LYRM4: variants seen among roughly 807,000 people sequenced by gnomAD.
LYRM4 encodes LYR motif-containing protein 4.
LYRM4 carries 9 observed loss-of-function variants against 11.7 expected under a neutral mutation model. That is an observed-to-expected ratio of 0.77 (90% CI 0.46 to 1.34). The LOEUF (loss-of-function observed/expected upper bound fraction) is 1.34, where lower values mean the gene tolerates loss of function less well. Among genes scored for constraint, LYRM4 ranks in the 40% most tolerant of loss-of-function variants. The pLI, the probability that LYRM4 is intolerant of heterozygous loss-of-function variation, is 0.00. For missense variants in LYRM4, 133 were observed against 112.5 expected, an observed-to-expected ratio of 1.18 and a Z score of -0.82; for synonymous variants, 42 against 40.4, an observed-to-expected ratio of 1.04 and a Z score of -0.15.
chr6:5,041,619 T>G, the LYRM4 span, among the ~76,000 whole-genome samples: 33 of 152,366 alleles, frequency 2.2e-4, no homozygotes, highest in Non-Finnish European at 4.1e-4. Context: ...CTGTGAATTT[T>G]TTTGTCATGA....
chr6:5,090,327 C>G, the LYRM4 span, among the ~76,000 whole-genome samples: 1 of 152,162 alleles, frequency 6.6e-6, no homozygotes, highest in African/African-American at 2.4e-5. This position sits in a 1 kb window ranked among gnomAD's most constrained non-coding sequence, Gnocchi z 4.8. Flanking sequence ...GAAACATGGG[C>G]TGGGAATGTG....
the LYRM4 span, chr6:5,034,045 T>G: frequency 6.6e-6 from 1 of 152,308 alleles, no homozygotes; most frequent in Non-Finnish European, 1.5e-5. Context: ...TTTTGTACTT[T>G]TGTTGGTGAT....
intron 1 of LYRM4, chr6:5,218,456 C>A: frequency 1.2e-6 from 1 of 849,152 alleles, no homozygotes; most frequent in Non-Finnish European, 1.4e-6. Context: ...AGTAAAAAGG[C>A]ATTTTACATT....
At chr6:5,149,068 A>G (rs1040662855) in intron 2 of LYRM4, among the ~76,000 whole-genome samples, 4 of 152,338 alleles carry the variant, frequency 2.6e-5, no homozygotes, top group African/African-American at 9.6e-5. Flanking sequence ...CTTTCAGATA[A>G]ATGATTGGAT....
chr6:5,116,044 AG>A (rs1763104859), intron 2 of LYRM4, among the ~76,000 whole-genome samples: 1 of 152,200 alleles, frequency 6.6e-6, no homozygotes. Flanking sequence ...CCAGACACAT[AG>A]GAAGTGCTCA....
chr6:5,155,159 G>A (rs1758337323), intron 2 of LYRM4, among the ~76,000 whole-genome samples: 1 of 152,130 alleles, frequency 6.6e-6, no homozygotes, highest in Non-Finnish European at 1.5e-5. Context: ...TTGGCTCACT[G>A]CAAACTCTGT....
At chr6:5,186,273 G>A (rs1272895015) in intron 2 of LYRM4, among the ~76,000 whole-genome samples, 1 of 152,162 alleles carries the variant, frequency 6.6e-6, no homozygotes, top group East Asian at 1.9e-4. Context: ...GGGAGGTTTA[G>A]GAGAGCAGAC....
chr6:5,204,887 G>C (rs1215091767), intron 2 of LYRM4, among the ~76,000 whole-genome samples: 1 of 152,214 alleles, frequency 6.6e-6, no homozygotes, highest in Non-Finnish European at 1.5e-5. Context: ...TATTCGCAAA[G>C]ATGCTAAGTG....
chr6:5,179,148 AT>A (rs1212851503), intron 2 of LYRM4, among the ~76,000 whole-genome samples: 1 of 150,616 alleles, frequency 6.6e-6, no homozygotes, highest in Non-Finnish European at 1.5e-5. Context: ...TTTTATTTTT[AT>A]TTTTTTCTTA....
At chr6:5,086,793 C>G in the LYRM4 span, 77 of 558,902 alleles carry the variant, frequency 1.4e-4, no homozygotes, top group Non-Finnish European at 2.1e-4. Flanking sequence ...TCAGTCTTCT[C>G]GTCCGTTTGA....
intron 2 of LYRM4, among the ~76,000 whole-genome samples, chr6:5,166,846 A>G (rs1299744471): frequency 2.0e-5 from 3 of 152,236 alleles, no homozygotes; most frequent in African/African-American, 7.2e-5. Flanking sequence ...TTCCTTCGAT[A>G]TAAGTTGTTA....
the LYRM4 span, chr6:5,034,513 T>C: frequency 6.6e-6 from 1 of 152,294 alleles, no homozygotes; most frequent in African/African-American, 2.4e-5. Flanking sequence ...CTTGCTCTTC[T>C]GAGTTCCCAT....
chr6:5,259,086 G>C (rs572085884), intron 1 of LYRM4, among the ~76,000 whole-genome samples: 1 of 135,324 alleles, frequency 7.4e-6, no homozygotes, highest in South Asian at 2.2e-4. Context: ...ACTTGTCCAA[G>C]TTAGTCTTCG....
chr6:5,206,635 T>C (rs966090451), intron 2 of LYRM4, among the ~76,000 whole-genome samples: 1 of 152,182 alleles, frequency 6.6e-6, no homozygotes, highest in Non-Finnish European at 1.5e-5. Flanking sequence ...TGACAGACTT[T>C]GAAGGGGAAT....
At chr6:5,231,306 A>T (rs1004855626) in intron 1 of LYRM4, among the ~76,000 whole-genome samples, 6 of 152,208 alleles carry the variant, frequency 3.9e-5, no homozygotes, top group Non-Finnish European at 8.8e-5. Flanking sequence ...GGTGGTAACT[A>T]AAAAAGGCTG....
At chr6:5,091,896 TAA>T in the LYRM4 span, among the ~76,000 whole-genome samples, 6,363 of 152,308 alleles carry the variant, frequency 0.042, 411 homozygotes, top group African/African-American at 0.14. Context: ...TGGGCTGGTA[TAA>T]TTTCTCCGAT....
At chr6:5,087,526 G>A in the LYRM4 span, 1 of 152,280 alleles carries the variant, frequency 6.6e-6, no homozygotes. Context: ...GGCGCCCTTT[G>A]TGTAGGCAGA....
chr6:5,036,207 A>G, the LYRM4 span, among the ~76,000 whole-genome samples: 1 of 152,214 alleles, frequency 6.6e-6, no homozygotes, highest in Admixed American at 6.5e-5. Context: ...AGCTTAATCC[A>G]AATTGAATAA....
chr6:5,206,361 T>C (rs532010074), intron 2 of LYRM4, among the ~76,000 whole-genome samples: 3 of 152,254 alleles, frequency 2.0e-5, no homozygotes, highest in African/African-American at 7.2e-5. Flanking sequence ...CAACAATCAG[T>C]GAGTATTTAT....
Sources: gnomAD v4.1 joint callset for allele counts (sites outside exome capture counted in the v4.1 genomes callset) on GRCh38, gnomAD v4.1.1 for gene constraint, Gnocchi (gnomAD v3.1) non-coding constraint, MANE v1.5 for transcripts, NCBI Gene and HGNC (gene_info 2026-07-23, HGNC 2026-07-21) for gene names.